PDE1A: variants seen among roughly 807,000 people sequenced by gnomAD.
The protein encoded by PDE1A is dual specificity calcium/calmodulin-dependent 3',5'-cyclic nucleotide phosphodiesterase 1A.
A neutral mutation model predicts 61.7 loss-of-function variants in PDE1A; 35 were observed. The observed-to-expected ratio is 0.57, with a 90% CI of 0.43 to 0.75. The LOEUF (loss-of-function observed/expected upper bound fraction) is 0.75. Ranked by LOEUF, PDE1A falls within the 30% of genes least tolerant of loss-of-function variation. PDE1A has a pLI of 0.00. For missense variants in PDE1A, 597 were observed against 630.6 expected (o/e 0.95, Z 0.57); for synonymous variants, 232 against 213.2 (o/e 1.09, Z -0.77).
the PDE1A span, among the ~76,000 whole-genome samples, chr2:182,607,330 T>C: frequency 6.6e-6 from 1 of 152,218 alleles, no homozygotes; most frequent in Non-Finnish European, 1.5e-5. Flanking sequence ...ATCAGTTCTA[T>C]AGGACAATTG....
the PDE1A span, among the ~76,000 whole-genome samples, chr2:182,633,286 T>C: frequency 2.0e-5 from 3 of 152,152 alleles, no homozygotes; most frequent in African/African-American, 4.8e-5. Context: ...TGTAGTCAAA[T>C]AGATTTTCCT....
At chr2:182,509,457 C>T (rs1689648048) in intron 2 of PDE1A, among the ~76,000 whole-genome samples, 1 of 152,090 alleles carries the variant, frequency 6.6e-6, no homozygotes, top group Non-Finnish European at 1.5e-5. Context: ...GCTTTTAATT[C>T]CTGAAATGTC....
chr2:182,177,195 C>T (rs950590635), intron 13 of PDE1A, among the ~76,000 whole-genome samples: 1 of 151,908 alleles, frequency 6.6e-6, no homozygotes, highest in Non-Finnish European at 1.5e-5. Flanking sequence ...ATGATGCTGG[C>T]CTCATAAAAT....
intron 1 of PDE1A, among the ~76,000 whole-genome samples, chr2:182,318,207 A>G (rs1312520248): frequency 6.6e-6 from 1 of 152,192 alleles, no homozygotes; most frequent in East Asian, 1.9e-4. Context: ...GATCACTATA[A>G]TCTGTATTCT....
chr2:182,412,998 G>A (rs559978849), intron 1 of PDE1A, among the ~76,000 whole-genome samples: 70 of 152,280 alleles, frequency 4.6e-4, no homozygotes, highest in Non-Finnish European at 7.3e-4. Context: ...TTGAAGCATG[G>A]ACGAGGACAG....
chr2:182,194,123 A>AT (rs1162158164), intron 10 of PDE1A, among the ~76,000 whole-genome samples: 2 of 152,168 alleles, frequency 1.3e-5, no homozygotes, highest in African/African-American at 4.8e-5. Context: ...CTAACAAGGT[A>AT]ATAATGATTA....
At chr2:182,599,012 C>T in the PDE1A span, among the ~76,000 whole-genome samples, 75 of 152,310 alleles carry the variant, frequency 4.9e-4, 1 homozygote, top group South Asian at 0.015. Context: ...CAGAGAAACA[C>T]GGCTGGGGCT....
At chr2:182,194,303 C>G (rs148788364) in intron 10 of PDE1A, among the ~76,000 whole-genome samples, 86 of 152,234 alleles carry the variant, frequency 5.6e-4, no homozygotes, top group African/African-American at 2.0e-3. Flanking sequence ...TCTTATCTTG[C>G]CAACCTGACA....
intron 2 of PDE1A, among the ~76,000 whole-genome samples, chr2:182,438,217 C>A (rs1476498728): frequency 2.0e-5 from 3 of 151,830 alleles, no homozygotes; most frequent in Non-Finnish European, 4.4e-5. Context: ...ATGAGCATTT[C>A]ATCTTGTTAA....
At chr2:182,388,622 A>G (rs1319442299) in intron 1 of PDE1A, among the ~76,000 whole-genome samples, 1 of 152,130 alleles carries the variant, frequency 6.6e-6, no homozygotes, top group African/African-American at 2.4e-5. Context: ...TTTAAGACAA[A>G]TGAAAATAAA....
chr2:182,180,728 A>G (rs1684689165), intron 13 of PDE1A, among the ~76,000 whole-genome samples: 1 of 148,394 alleles, frequency 6.7e-6, no homozygotes, highest in African/African-American at 2.5e-5. Flanking sequence ...ACTCCAATCA[A>G]TCGTAGCTTC....
At chr2:182,494,411 C>T (rs1054421032) in intron 2 of PDE1A, among the ~76,000 whole-genome samples, 3 of 147,340 alleles carry the variant, frequency 2.0e-5, no homozygotes, top group Non-Finnish European at 4.5e-5. Context: ...ATGCTCAGCC[C>T]CTCTGCCCAA....
chr2:182,455,150 G>C lies in PDE1A; in HGVS notation c.101+67126C>G, dbSNP rs1318510604. Among the ~76,000 whole-genome samples the C allele has an allele frequency of 1.8e-4, 27 of 152,078 alleles. No individual in the cohort carries two copies. In the East Asian group the frequency reaches 5.0e-3, roughly 28 times the overall value. ...ACATTTATGCAGCCAAAAAACACAT[G>C]AAAAAATGCTCACCATCACTGGCCA... is the stretch of plus-strand genomic sequence containing the variant. On this transcript the variant is annotated intron_variant, in intron 2 of 14. Coordinates refer to the PDE1A transcript ENST00000410103.
At chr2:182,653,168 T>C in the PDE1A span, among the ~76,000 whole-genome samples, 1 of 152,192 alleles carries the variant, frequency 6.6e-6, no homozygotes, top group Non-Finnish European at 1.5e-5. Context: ...CTTACCATAT[T>C]GCTGAGTGCA....
rs534437654 is a variant in PDE1A, at chr2:182,311,028, A to C, written c.54-46614T>G. ...GACACAGTGGAGGATGCCAAGACCT[A>C]CACTCTCTAGGTTTGAGATCCTGCC... is the stretch of plus-strand genomic sequence containing the variant. On this transcript the variant is annotated intron_variant, in intron 1 of 13. Transcript: ENST00000351439. 6.6e-5 allele frequency among the ~76,000 whole-genome samples: 10 copies of C among 152,136 alleles called. 1 individual carries two copies. The highest frequency in any genetic ancestry group is 1.2e-4 in the Non-Finnish European group (8 of 68,018).
At chr2:182,257,023 T>G (rs1178188502) in intron 2 of PDE1A, among the ~76,000 whole-genome samples, 4 of 152,244 alleles carry the variant, frequency 2.6e-5, no homozygotes, top group African/African-American at 9.6e-5. Context: ...ATCTCCCAAC[T>G]CATCCAGTGG....
intron 13 of PDE1A, among the ~76,000 whole-genome samples, chr2:182,169,922 G>GCACAAACACA (rs1692009433): frequency 1.1e-5 from 1 of 87,666 alleles, no homozygotes; most frequent in Non-Finnish European, 2.9e-5. Context: ...ACACACACAC[G>GCACAAACACA]CACACACACA....
chr2:182,237,994 C>T (rs1574108366), intron 3 of PDE1A, among the ~76,000 whole-genome samples: 1 of 152,162 alleles, frequency 6.6e-6, no homozygotes. Context: ...CTAGGCTGGG[C>T]ACGGTGGCTC....
intron 2 of PDE1A, among the ~76,000 whole-genome samples, chr2:182,452,235 T>C (rs1685574177): frequency 6.6e-6 from 1 of 152,126 alleles, no homozygotes; most frequent in Non-Finnish European, 1.5e-5. Flanking sequence ...CCAACATGAC[T>C]GCATAGGTGT....
Sources: gnomAD v4.1 joint callset for allele counts (sites outside exome capture counted in the v4.1 genomes callset) on GRCh38, gnomAD v4.1.1 for gene constraint, MANE v1.5 for transcripts, NCBI Gene and HGNC (gene_info 2026-07-23, HGNC 2026-07-21) for gene names.